The following CHRNB2 variants were observed in gnomAD, a reference collection of about 807,000 sequenced individuals.
CHRNB2 encodes the protein cholinergic receptor nicotinic beta 2 subunit.
A neutral mutation model predicts 42.7 loss-of-function variants in CHRNB2; 33 were observed. That is an observed-to-expected ratio of 0.77 (90% confidence interval 0.59 to 1.03). The LOEUF is 1.03. Ranked by LOEUF, CHRNB2 falls within the 50% of genes least tolerant of loss-of-function variation. The pLI, the probability that CHRNB2 is intolerant of heterozygous loss-of-function variation, is 0.00. For missense variants in CHRNB2, 603 were observed against 700.9 expected (o/e 0.86, Z 1.58); for synonymous variants, 325 against 292.9 (o/e 1.11, Z -1.12).
Position 154,571,967 on chromosome 1 carries a change from C to G in CHRNB2, c.1144C>G (p.Pro382Ala), listed in dbSNP as rs901932970. The part of the protein sequence containing the change: ...GAGALFFREA[P>A]GADSCTCFVN... ...TGGAGCCCTCTTCTTCCGCGAAGCC[C>G]CAGGGGCCGACTCCTGCACGTGCTT... Residue 382 changes from proline (P) to alanine (A), a missense_variant, in exon 5 of 6, where the codon CCA (proline) becomes GCA (alanine). By Grantham distance (27) the Pro-to-Ala change is conservative. This residue lies in a region of CHRNB2 where 270 missense variants were observed against 248.3 expected (regional missense o/e 1.09). Coordinates refer to ENST00000368476, the MANE Select transcript of CHRNB2 (RefSeq NM_000748.3). This position sits in a 1 kb window ranked among gnomAD's most constrained non-coding sequence, Gnocchi z 6.8. 1.3e-6 allele frequency: 2 copies of G among 1,540,816 alleles called. No homozygotes were observed. Among genetic ancestry groups the G allele is most frequent in the Non-Finnish European group, 1.7e-6 (2 of 1,148,268 alleles).
intron 1 of CHRNB2, 63 bp from the exon 2 acceptor site, chr1:154,569,399 G>A (rs1696119511): frequency 1.6e-5 from 26 of 1,601,370 alleles, no homozygotes; most frequent in Non-Finnish European, 2.2e-5. Context: ...TGCCTGGGGA[G>A]GGTGGGATGC....
At chr1:154,573,312 T>C (rs570449042) in intron 5 of CHRNB2, among the ~76,000 whole-genome samples, 1 of 152,342 alleles carries the variant, frequency 6.6e-6, no homozygotes, top group South Asian at 2.1e-4. Context: ...GTGCTGAGGA[T>C]GTGGTGACCT....
chr1:154,576,582 G>C lies in CHRNB2; in HGVS notation c.*650G>C, dbSNP rs540820659. ...CTAAGGGATCCAGAGACCTGCTCCAGATCCTCTTTCCCCACTGAAGAATTC... is the reference window on the plus strand; with the variant it reads ...CTAAGGGATCCAGAGACCTGCTCCACATCCTCTTTCCCCACTGAAGAATTC... On this transcript the variant is annotated 3_prime_UTR_variant, in exon 6 of 6. Transcript: ENST00000368476. 6.2e-6 allele frequency: 1 copy of C among 161,958 alleles called. No individual in the cohort carries two copies. Among genetic ancestry groups the C allele is most frequent in the East Asian group, 1.8e-4 (1 of 5,638 alleles). 10.0% of individuals were successfully genotyped at this position (161,958 alleles called of 1,614,324 possible).
rs1014389052 is a variant in CHRNB2, at chr1:154,567,878, C to A, written c.-167C>A. ...GATAGGCAAGAAGCTGGTTTCTCCT[C>A]GCAGCCGGCTCCCTGAGGCCCAGGA... On this transcript the variant is annotated 5_prime_UTR_variant, in exon 1 of 6. Coordinates refer to ENST00000368476, the MANE Select transcript of CHRNB2 (RefSeq NM_000748.3). 9.7e-6 allele frequency: 5 copies of A among 513,958 alleles called. No homozygotes were observed. The highest frequency in any genetic ancestry group is 1.3e-5 in the Non-Finnish European group (4 of 307,300). 31.8% of individuals were successfully genotyped at this position (513,958 alleles called of 1,614,324 possible).
Position 154,570,296 on chromosome 1 carries a change from G to A in CHRNB2, c.294G>A (p.Glu98=), listed in dbSNP as rs367899705. The A allele has an allele frequency of 2.4e-5, 38 of 1,612,800 alleles. No homozygotes were observed. Among genetic ancestry groups the A allele is most frequent in the Non-Finnish European group, 3.1e-5 (37 of 1,179,498 alleles). The part of the protein sequence containing the change: ...EDYRLTWKPE[E]FDNMKKVRLP... ...ATCGCCTCACCTGGAAGCCTGAAGA[G>A]TTTGACAACATGAAGAAAGTTCGGC... Residue 98 remains glutamate, a synonymous_variant, in exon 4 of 6, where the codon GAG becomes GAA. Transcript: ENST00000368476.
rs1696284268 is a variant in CHRNB2, at chr1:154,576,572, AC to A, written c.*642del. 6.1e-6 allele frequency: 1 copy of A among 163,240 alleles called. No individual in the cohort carries two copies. Among genetic ancestry groups the A allele is most frequent in the Admixed American group, 5.7e-5 (1 of 17,486 alleles). 10.1% of individuals were successfully genotyped at this position (163,240 alleles called of 1,614,324 possible). On this transcript the variant is annotated 3_prime_UTR_variant, in exon 6 of 6. Coordinates refer to ENST00000368476, the MANE Select transcript of CHRNB2 (RefSeq NM_000748.3). ...CCCCTTGCTTCTAAGGGATCCAGAG[AC>A]CTGCTCCAGATCCTCTTTCCCCACT...
rs758068217 is a variant in CHRNB2, at chr1:154,571,965, C to T, written c.1142C>T (p.Ala381Val). 1.9e-6 allele frequency: 3 copies of T among 1,540,948 alleles called. No homozygotes were observed. Among genetic ancestry groups the T allele is most frequent in the East Asian group, 2.4e-5 (1 of 41,088 alleles). ...GCTGGAGCCCTCTTCTTCCGCGAAG[C>T]CCCAGGGGCCGACTCCTGCACGTGC... is the stretch of plus-strand genomic sequence containing the variant. ...EGAGALFFRE[A>V]PGADSCTCFV... Residue 381 changes from alanine to valine, a missense_variant, in exon 5 of 6, where the codon GCC (alanine) becomes GTC (valine). By Grantham distance (64) the Ala-to-Val change is moderately conservative. This residue lies in a region of CHRNB2 where 270 missense variants were observed against 248.3 expected (regional missense o/e 1.09). Transcript: ENST00000368476. This position sits in a 1 kb window ranked among gnomAD's most constrained non-coding sequence, Gnocchi z 6.8.
intron 1 of CHRNB2, among the ~76,000 whole-genome samples, chr1:154,568,618 T>C (rs971692777): frequency 6.6e-6 from 1 of 151,388 alleles, no homozygotes. Context: ...TCCTGTAGGG[T>C]GGGACAGGAG....
At chr1:154,574,878 T>C (rs1214991829) in intron 5 of CHRNB2, among the ~76,000 whole-genome samples, 1 of 149,844 alleles carries the variant, frequency 6.7e-6, no homozygotes, top group Non-Finnish European at 1.5e-5. Context: ...CCCCACCCCC[T>C]GAGCTGGCCT....
chr1:154,571,205 G>A lies in CHRNB2; in HGVS notation c.382G>A (p.Glu128Lys). ...CTTTGGCAGTGCTGACGGCATGTAC[G>A]AGGTGTCCTTCTATTCCAATGCCGT... ...VLYNNADGMY[E>K]VSFYSNAVVS... The change falls in exon 5 of 6, where the codon GAG becomes AAG. Residue 128 changes from glutamate to lysine, a missense_variant. By Grantham distance (56) the Glu-to-Lys change is moderately conservative. Transcript: ENST00000368476. This position sits in a 1 kb window ranked among gnomAD's most constrained non-coding sequence, Gnocchi z 6.8. 6.2e-7 allele frequency: 1 copy of A among 1,614,132 alleles called. No individual in the cohort carries two copies. The highest frequency in any genetic ancestry group is 8.5e-7 in the Non-Finnish European group (1 of 1,180,030).
At chr1:154,572,855 C>T (rs2101524015) in intron 5 of CHRNB2, among the ~76,000 whole-genome samples, 1 of 152,276 alleles carries the variant, frequency 6.6e-6, no homozygotes, top group South Asian at 2.1e-4. Flanking sequence ...TTGGCTTCTT[C>T]TACAGGGTTC....
chr1:154,575,030 A>G (rs1479217055), intron 5 of CHRNB2, among the ~76,000 whole-genome samples: 1 of 152,164 alleles, frequency 6.6e-6, no homozygotes, highest in African/African-American at 2.4e-5. Flanking sequence ...ATTTGTTCAC[A>G]TCTGGGACCT....
chr1:154,572,096 C>A lies in CHRNB2; in HGVS notation c.1273C>A (p.Arg425=). 2.0e-6 allele frequency: 3 copies of A among 1,536,636 alleles called. No individual in the cohort carries two copies. Among genetic ancestry groups the A allele is most frequent in the Non-Finnish European group, 2.6e-6 (3 of 1,146,524 alleles). The part of the protein sequence containing the change: ...RSGEPCGCGL[R]EAVDGVRFIA... ...AGGGGAGCCGTGTGGCTGTGGCCTC[C>A]GGGAGGCGGTGGACGGCGTGCGCTT... is the stretch of plus-strand genomic sequence containing the variant. The change falls in exon 5 of 6, where the codon CGG becomes AGG. Residue 425 remains arginine (R), a synonymous_variant. Coordinates refer to ENST00000368476, the MANE Select transcript of CHRNB2 (RefSeq NM_000748.3).
At chr1:154,572,386 G>A (rs985039551) in intron 5 of CHRNB2, among the ~76,000 whole-genome samples, 1 of 152,142 alleles carries the variant, frequency 6.6e-6, no homozygotes. Flanking sequence ...AGATGACCTT[G>A]CTGCTTCCTG....
At position 154,578,181 on chromosome 1, in the gene CHRNB2, G is replaced by GCC. The variant is rs1357966893; in HGVS notation, c.*2249_*2250insCC. 1 of 152,362 alleles carries GCC rather than the reference G, an allele frequency of 6.6e-6. No individual in the cohort carries two copies. Among genetic ancestry groups the GCC allele is most frequent in the Non-Finnish European group, 1.5e-5 (1 of 68,130 alleles). 9.4% of individuals were successfully genotyped at this position (152,362 alleles called of 1,614,324 possible). On this transcript the variant is annotated 3_prime_UTR_variant, in exon 6 of 6. Transcript: ENST00000368476. ...AGCAACAGGAAAGGAGCCTCCCTCT[G>GCC]AAGGGTAGGATGCCGGCCTGAGGCC...
chr1:154,569,843 G>C lies in CHRNB2; in HGVS notation c.255+7G>C, dbSNP rs190374968. The C allele has an allele frequency of 3.6e-4, 582 of 1,613,998 alleles. 8 individuals are homozygous for C. The Admixed American group carries it at 9.5e-3, about 26-fold the overall frequency. On this transcript the variant is annotated splice_region_variant and intron_variant, in intron 3 of 5. Coordinates refer to ENST00000368476, the MANE Select transcript of CHRNB2 (RefSeq NM_000748.3). Reference sequence around the variant, plus strand: ...CAATGTCTGGCTGACCCAGGTAAGCGTAAGTGCTCTCTTCCACCCACACCC... The same window carrying C: ...CAATGTCTGGCTGACCCAGGTAAGCCTAAGTGCTCTCTTCCACCCACACCC...
At position 154,571,379 on chromosome 1, in the gene CHRNB2, G is replaced by A; in HGVS notation, c.556G>A (p.Val186Met). ...WTYDRTEIDLVLKSEVASLDD... is the reference protein window; with the variant it reads ...WTYDRTEIDLMLKSEVASLDD... ...CTACGACCGCACAGAGATCGACTTG[G>A]TGCTGAAGAGTGAGGTGGCCAGCCT... The change falls in exon 5 of 6, where the codon GTG becomes ATG. Residue 186 changes from valine to methionine, a missense_variant. By Grantham distance (21) the Val-to-Met change is conservative (BLOSUM62 1). Transcript: ENST00000368476. The surrounding 1 kb of genome is among the most constrained non-coding windows in gnomAD (Gnocchi z 6.8). 1 of 1,614,202 alleles carries A rather than the reference G, an allele frequency of 6.2e-7. No homozygotes were observed. The highest frequency in any genetic ancestry group is 1.3e-5 in the African/African-American group (1 of 75,034).
chr1:154,567,996 G>A lies in CHRNB2; in HGVS notation c.-49G>A. The A allele has an allele frequency of 6.7e-7, 1 of 1,485,118 alleles. No individual in the cohort carries two copies. Among genetic ancestry groups the A allele is most frequent in the Non-Finnish European group, 8.9e-7 (1 of 1,122,762 alleles). 92.0% of individuals were successfully genotyped at this position (1,485,118 alleles called of 1,614,324 possible). ...CGCCCCACCCGCGGCCCTCCCCCCG[G>A]CGGCGCGCTCCAGCCGGTGTAGGCG... On this transcript the variant is annotated 5_prime_UTR_variant, in exon 1 of 6. Coordinates refer to ENST00000368476, the MANE Select transcript of CHRNB2 (RefSeq NM_000748.3).
Position 154,576,026 on chromosome 1 carries a change from G to T in CHRNB2, c.*94G>T. On this transcript the variant is annotated 3_prime_UTR_variant, in exon 6 of 6. Coordinates refer to ENST00000368476, the MANE Select transcript of CHRNB2 (RefSeq NM_000748.3). ...TGGACGAGTGAGCTACCAGGAAGAG[G>T]GGCGCTGCCCCCACAGATCCATCCT... 6.6e-7 allele frequency: 1 copy of T among 1,507,648 alleles called. No individual in the cohort carries two copies. 93.4% of individuals were successfully genotyped at this position (1,507,648 alleles called of 1,614,324 possible).
Sources: gnomAD v4.1 joint callset for allele counts (sites outside exome capture counted in the v4.1 genomes callset) on GRCh38, gnomAD v4.1.1 for gene constraint, gnomAD v4.1.1 regional missense constraint, Gnocchi (gnomAD v3.1) non-coding constraint, MANE v1.5 for transcripts, NCBI Gene and HGNC (gene_info 2026-07-23, HGNC 2026-07-21) for gene names.